IQGAP3: variants seen among roughly 807,000 people sequenced by gnomAD.
IQGAP3 encodes the protein ras GTPase-activating-like protein IQGAP3.
Under a neutral mutation model 208.2 loss-of-function variants are expected in IQGAP3, and 165 were observed. That is an observed-to-expected ratio of 0.79 (90% CI 0.70 to 0.90). The LOEUF (loss-of-function observed/expected upper bound fraction) is 0.90. Ranked by LOEUF, IQGAP3 falls within the 40% of genes least tolerant of loss-of-function variation. The pLI is 0.00. For synonymous variants in IQGAP3, 703 were observed against 803.6 expected, an observed-to-expected ratio of 0.87 and a Z score of 2.12; for missense variants, 1,811 against 2,043.1, an observed-to-expected ratio of 0.89 and a Z score of 2.19.
chr1:156,547,881 G>C (rs1410681508), intron 19 of IQGAP3, among the ~76,000 whole-genome samples, 192 bp downstream of exon 19: 2 of 152,196 alleles, frequency 1.3e-5, no homozygotes, highest in Non-Finnish European at 2.9e-5. Context: ...TAACTTGCCA[G>C]GGTCACACAG....
intron 33 of IQGAP3, among the ~76,000 whole-genome samples, chr1:156,530,665 A>G (rs891151550): frequency 3.3e-5 from 5 of 152,326 alleles, no homozygotes; most frequent in African/African-American, 1.2e-4. Context: ...TTCTGACGGC[A>G]CAGGATGTTT....
chr1:156,560,557 G>A (rs868003496), intron 11 of IQGAP3, among the ~76,000 whole-genome samples: 1 of 152,170 alleles, frequency 6.6e-6, no homozygotes, highest in African/African-American at 2.4e-5. Context: ...TGTATATAAT[G>A]TTTTTAAGGG....
chr1:156,570,823 G>A (rs1394028720), intron 1 of IQGAP3, among the ~76,000 whole-genome samples: 2 of 152,208 alleles, frequency 1.3e-5, no homozygotes, highest in African/African-American at 2.4e-5. Context: ...ATTATCAGAA[G>A]AGAAAAACAT....
chr1:156,559,255 G>A (rs925767308), intron 11 of IQGAP3, among the ~76,000 whole-genome samples: 1 of 152,188 alleles, frequency 6.6e-6, no homozygotes, highest in African/African-American at 2.4e-5. Flanking sequence ...ACTAAGATGA[G>A]GTTAGTCAGG....
At chr1:156,557,562 T>G (rs1345616883) in intron 11 of IQGAP3, among the ~76,000 whole-genome samples, 1 of 58,278 alleles carries the variant, frequency 1.7e-5, no homozygotes, top group African/African-American at 5.5e-5. Flanking sequence ...GGGAGGGAGG[T>G]GGGGGGGTCA....
In IQGAP3 at chr1:156,562,001, A is replaced by C. The variant is rs1366559617; in HGVS notation, c.878T>G (p.Val293Gly). 1 of 1,604,120 alleles carries C rather than the reference A, an allele frequency of 6.2e-7. No individual in the cohort carries two copies. Among genetic ancestry groups the C allele is most frequent in the Admixed American group, 1.7e-5 (1 of 57,950 alleles). ...EIQGNINHVN[V>G]HGALEVVDDA... ...ATCAACAACTTCTAGAGCCCCATGG[A>C]CTGAAAAAAAATGACTCCATAATGG... is the stretch of plus-strand genomic sequence containing the variant. Residue 293 changes from valine (V) to glycine (G), a missense_variant and splice_region_variant, in exon 10 of 38, where the codon GTC (valine) becomes GGC (glycine). Transcript: ENST00000361170.
chr1:156,526,193 G>T lies in IQGAP3; in HGVS notation c.*293C>A. 2.8e-6 allele frequency: 1 copy of T among 358,410 alleles called. No homozygotes were observed. Among genetic ancestry groups the T allele is most frequent in the Non-Finnish European group, 5.3e-6 (1 of 190,068 alleles). The allele number at this position is 358,410 out of a possible 1,614,324, so 22.2% of individuals were successfully genotyped here. Reference sequence around the variant, plus strand: ...GGGCAGTAGCAGACACAAGAGTAATGGCTTTCCCAGGTCAAGGTCCATGTC... The same window carrying T: ...GGGCAGTAGCAGACACAAGAGTAATTGCTTTCCCAGGTCAAGGTCCATGTC... On this transcript the variant is annotated 3_prime_UTR_variant, in exon 38 of 38. Transcript: ENST00000361170.
At position 156,526,337 on chromosome 1, in the gene IQGAP3, A is replaced by G. The variant is rs1674056194; in HGVS notation, c.*149T>C. 1 of 628,836 alleles carries G rather than the reference A, an allele frequency of 1.6e-6. No individual in the cohort carries two copies. The highest frequency in any genetic ancestry group is 2.9e-6 in the Non-Finnish European group (1 of 350,188). 39.0% of individuals were successfully genotyped at this position (628,836 alleles called of 1,614,324 possible). ...TACACTGTCTGTGGCCAGGCAGGCA[A>G]GCTCCTCCCAGCTGGGGAAGGGGTG... On this transcript the variant is annotated 3_prime_UTR_variant, in exon 38 of 38. Transcript: ENST00000361170.
chr1:156,567,637 A>G (rs1303630464), intron 2 of IQGAP3, among the ~76,000 whole-genome samples: 1 of 152,252 alleles, frequency 6.6e-6, no homozygotes, highest in Non-Finnish European at 1.5e-5. Context: ...GTTTCCAAAA[A>G]GAGAGCCAGT....
Position 156,539,484 on chromosome 1 carries a change from G to A in IQGAP3, c.2946C>T (p.Thr982=), listed in dbSNP as rs747449234. The A allele has an allele frequency of 2.5e-6, 4 of 1,614,040 alleles. No homozygotes were observed. In the African/African-American group the frequency reaches 4.0e-5, roughly 16 times the overall value. ...AAATCACTGCCTCCATGAACTTGGT[G>A]GTTTTGTTCTGTGGCATCTGAAAGA... The part of the protein sequence containing the change: ...KLIFQMPQNK[T]TKFMEAVIFS... The change falls in exon 25 of 38, where the codon ACC becomes ACT. Residue 982 remains threonine (T), a synonymous_variant. Transcript: ENST00000361170.
intron 7 of IQGAP3, 62 bp from the exon 8 acceptor site, chr1:156,563,374 C>A (rs1167464135): frequency 2.7e-6 from 4 of 1,500,526 alleles, no homozygotes; most frequent in East Asian, 2.3e-5. Flanking sequence ...GGAGCGCAAC[C>A]AGTAGCAGCC....
At chr1:156,552,727 C>G (rs917223514) in intron 13 of IQGAP3, among the ~76,000 whole-genome samples, 1 of 152,180 alleles carries the variant, frequency 6.6e-6, no homozygotes, top group Non-Finnish European at 1.5e-5. Flanking sequence ...CCCTGCTTTC[C>G]CCTTGTACTC....
In IQGAP3 at chr1:156,567,407, A is replaced by G. The variant is rs1039567652; in HGVS notation, c.126-861T>C. 1.2e-4 allele frequency among the ~76,000 whole-genome samples: 19 copies of G among 152,066 alleles called. 1 individual carries two copies. The highest frequency in any genetic ancestry group is 4.6e-4 in the African/African-American group (19 of 41,380). ...CCTTTCCAACCATCTTCCCTACTTC[A>G]CCTCTGTGAGCCTCAGTTGCACAAT... is the stretch of plus-strand genomic sequence containing the variant. On this transcript the variant is annotated intron_variant, in intron 2 of 37. Transcript: ENST00000361170.
At chr1:156,537,403 G>T in intron 26 of IQGAP3, 82 bp from the exon 27 acceptor site, 1 of 1,349,844 alleles carries the variant, frequency 7.4e-7, no homozygotes, top group Non-Finnish European at 1.0e-6. Flanking sequence ...TTAAACGCTT[G>T]TCTAACAACA....
Position 156,528,030 on chromosome 1 carries a change from C to T in IQGAP3, c.4704G>A (p.Pro1568=), listed in dbSNP as rs144640189. Residue 1568 remains proline (P), a synonymous_variant, in exon 37 of 38, where the codon CCG becomes CCA. Coordinates refer to ENST00000361170, the MANE Select transcript of IQGAP3 (RefSeq NM_178229.5). ...CTTCAAACTTTCCTGCCTCATCTCCCGGCGTGATGTCAAAGATGACGTTTC... is the reference window on the plus strand; with the variant it reads ...CTTCAAACTTTCCTGCCTCATCTCCTGGCGTGATGTCAAAGATGACGTTTC... The part of the protein sequence containing the change: ...HFRNVIFDIT[P]GDEAGKFEVN... 902 of 1,614,068 alleles carry T rather than the reference C, an allele frequency of 5.6e-4. 2 individuals are homozygous for T. The highest frequency in any genetic ancestry group is 1.8e-3 in the Admixed American group (106 of 60,020).
chr1:156,557,565 G>A, intron 11 of IQGAP3, among the ~76,000 whole-genome samples: 1 of 89,180 alleles, frequency 1.1e-5, no homozygotes, highest in East Asian at 1.2e-3. Context: ...AGGGAGGTGG[G>A]GGGGTCAGCC....
chr1:156,546,919 C>G (rs911846436), intron 19 of IQGAP3, among the ~76,000 whole-genome samples: 2 of 152,212 alleles, frequency 1.3e-5, no homozygotes, highest in Admixed American at 1.3e-4. Flanking sequence ...ATCAAGTGTA[C>G]TCCAATTTCT....
At position 156,556,636 on chromosome 1, in the gene IQGAP3, G is replaced by A; in HGVS notation, c.1187C>T (p.Thr396Ile). 1 of 1,609,566 alleles carries A rather than the reference G, an allele frequency of 6.2e-7. No homozygotes were observed. The highest frequency in any genetic ancestry group is 8.5e-7 in the Non-Finnish European group (1 of 1,177,318). Residue 396 changes from threonine to isoleucine, a missense_variant, in exon 12 of 38, where the codon ACT becomes ATT. Coordinates refer to ENST00000361170, the MANE Select transcript of IQGAP3 (RefSeq NM_178229.5). Reference sequence around the variant, plus strand: ...CTCAGGGCACATCAGCTCCTTCACAGTGTCAGCCGCCACTCTCCTCCGGAT... The same window carrying A: ...CTCAGGGCACATCAGCTCCTTCACAATGTCAGCCGCCACTCTCCTCCGGAT... ...KAIRRRVAAD[T>I]VKELMCPEAQ...
rs757856946 is a variant in IQGAP3 at position 156,534,484 on chromosome 1, G to A, written c.3740+17C>T. 11 of 1,524,076 alleles carry A rather than the reference G, an allele frequency of 7.2e-6. No homozygotes were observed. The East Asian group carries it at 2.3e-4, about 31-fold the overall frequency. The allele number at this position is 1,524,076 out of a possible 1,614,324, so 94.4% of individuals were successfully genotyped here. A position where few individuals can be genotyped will look rare whatever the true frequency, so the allele number is the denominator to read the frequency against. On this transcript the variant is annotated intron_variant, in intron 29 of 37. Coordinates refer to ENST00000361170, the MANE Select transcript of IQGAP3 (RefSeq NM_178229.5). ...GAAGAGGGAAGAAAGGGGACAGAGA[G>A]GAAAGGGACCCAAGACCTGAACTTG...
Sources: gnomAD v4.1 joint callset for allele counts (sites outside exome capture counted in the v4.1 genomes callset) on GRCh38, gnomAD v4.1.1 for gene constraint, MANE v1.5 for transcripts, NCBI Gene and HGNC (gene_info 2026-07-23, HGNC 2026-07-21) for gene names.